STK3: variants seen among roughly 807,000 people sequenced by gnomAD.
STK3 encodes the protein serine/threonine-protein kinase 3.
STK3 carries 41 observed loss-of-function variants against 58.0 expected under a neutral mutation model. That is an observed-to-expected ratio of 0.71 (90% CI 0.55 to 0.92). STK3 has a LOEUF of 0.92. Ranked by LOEUF, STK3 falls within the 40% of genes least tolerant of loss-of-function variation. The pLI, the probability that STK3 is intolerant of heterozygous loss-of-function variation, is 0.00. For missense variants in STK3, 479 were observed against 602.7 expected (o/e 0.79, Z 2.15); for synonymous variants, 170 against 191.0 (o/e 0.89, Z 0.91).
chr8:98,422,257 A>G (rs1189948290), intron 3 of STK3, among the ~76,000 whole-genome samples: 1 of 152,188 alleles, frequency 6.6e-6, no homozygotes, highest in Non-Finnish European at 1.5e-5. Flanking sequence ...TTGCATTTGT[A>G]ACGTGCAGCA....
At chr8:98,656,772 CTG>C (rs1296904630) in intron 6 of STK3, among the ~76,000 whole-genome samples, 6 of 152,002 alleles carry the variant, frequency 3.9e-5, no homozygotes, top group African/African-American at 1.4e-4. Context: ...TTGTTTATAA[CTG>C]TTTCTTCTTC....
intron 1 of STK3, among the ~76,000 whole-genome samples, chr8:98,896,374 A>T (rs765378439): frequency 2.6e-5 from 4 of 152,230 alleles, no homozygotes; most frequent in Admixed American, 6.5e-5. Context: ...GTCACAATGT[A>T]TTAAATAGAC....
intron 1 of STK3, among the ~76,000 whole-genome samples, chr8:98,441,962 A>G (rs576492301): frequency 6.6e-6 from 1 of 152,178 alleles, no homozygotes; most frequent in African/African-American, 2.4e-5. Flanking sequence ...GCTCCTGCAT[A>G]TCCCATAGCC....
chr8:98,650,807 A>G (rs1276933459), intron 6 of STK3, among the ~76,000 whole-genome samples: 2 of 152,222 alleles, frequency 1.3e-5, no homozygotes, highest in African/African-American at 4.8e-5. Flanking sequence ...GCCATTGCCC[A>G]GGCTTGCTTA....
intron 4 of STK3, among the ~76,000 whole-genome samples, chr8:98,713,304 T>C (rs1008955546): frequency 6.6e-6 from 1 of 151,698 alleles, no homozygotes; most frequent in Non-Finnish European, 1.5e-5. Context: ...CTGAAGGAGA[T>C]AGAGACACAA....
intron 4 of STK3, among the ~76,000 whole-genome samples, chr8:98,737,430 T>C (rs1338518902): frequency 6.6e-6 from 1 of 152,042 alleles, no homozygotes; most frequent in Non-Finnish European, 1.5e-5. Context: ...GCAAGAATAA[T>C]ACAAAATGTC....
Position 98,653,724 on chromosome 8 carries a change from A to G in STK3, c.684+52743T>C, listed in dbSNP as rs1265183010. Among the ~76,000 whole-genome samples the G allele has an allele frequency of 4.6e-5, 7 of 152,368 alleles. No individual in the cohort carries two copies. The South Asian group carries it at 8.3e-4, about 18-fold the overall frequency. On this transcript the variant is annotated intron_variant, in intron 6 of 10. Coordinates refer to ENST00000419617, the MANE Select transcript of STK3 (RefSeq NM_006281.4). ...AAACACCTCTGTGCAAATAAACTAGAAAATCTAGAAGAAATGGATAAATTC... is the reference window on the plus strand; with the variant it reads ...AAACACCTCTGTGCAAATAAACTAGGAAATCTAGAAGAAATGGATAAATTC...
At chr8:98,925,281 T>C (rs1839745216) in intron 1 of STK3, among the ~76,000 whole-genome samples, 1 of 152,238 alleles carries the variant, frequency 6.6e-6, no homozygotes, top group African/African-American at 2.4e-5. Context: ...TTATTGATAG[T>C]GATTGCTCAC....
intron 1 of STK3, among the ~76,000 whole-genome samples, chr8:98,894,929 T>A (rs989758869): frequency 3.3e-5 from 5 of 152,152 alleles, no homozygotes; most frequent in African/African-American, 1.2e-4. Flanking sequence ...AATGAACGAA[T>A]GGATAGGAAC....
chr8:98,413,861 G>A (rs1818085392), intron 3 of STK3: 1 of 515,380 alleles, frequency 1.9e-6, no homozygotes, highest in Non-Finnish European at 3.6e-6. Context: ...GTAATGGTGT[G>A]TCAAGAGGGA....
In STK3 at chr8:98,733,497, T is replaced by C. The variant is rs534862892; in HGVS notation, c.351+15779A>G. ...GCACTCCTTATGAGAATCTAATACC[T>C]GATGATCTGAAGTGGAACAGTTTCA... is the stretch of plus-strand genomic sequence containing the variant. On this transcript the variant is annotated intron_variant, in intron 4 of 10. Transcript: ENST00000419617. Among the ~76,000 whole-genome samples, 8 of 152,342 alleles carry C rather than the reference T, an allele frequency of 5.3e-5. No homozygotes were observed. In the East Asian group the frequency reaches 1.5e-3, roughly 29 times the overall value.
At chr8:98,865,949 C>T (rs924087433) in intron 3 of STK3, among the ~76,000 whole-genome samples, 2 of 152,240 alleles carry the variant, frequency 1.3e-5, no homozygotes, top group African/African-American at 4.8e-5. Context: ...CCACACAGTC[C>T]TGCAGTCTGG....
At chr8:98,729,041 T>C (rs934905022) in intron 4 of STK3, among the ~76,000 whole-genome samples, 1 of 152,228 alleles carries the variant, frequency 6.6e-6, no homozygotes, top group Admixed American at 6.5e-5. Context: ...GGCACTTGGA[T>C]AAAATATGCT....
At chr8:98,751,736 T>C (rs897076221) in intron 3 of STK3, among the ~76,000 whole-genome samples, 2 of 152,110 alleles carry the variant, frequency 1.3e-5, no homozygotes, top group Non-Finnish European at 1.5e-5. Context: ...GGTCAGGAGT[T>C]TCAGATCAGC....
intron 10 of STK3, among the ~76,000 whole-genome samples, chr8:98,486,919 T>C (rs1822313801): frequency 6.6e-6 from 1 of 152,188 alleles, no homozygotes; most frequent in Admixed American, 6.5e-5. Flanking sequence ...CTTCAAGCAA[T>C]ACATAGGCTT....
intron 3 of STK3, among the ~76,000 whole-genome samples, chr8:98,840,384 C>T (rs1056088275): frequency 7.1e-5 from 10 of 141,770 alleles, no homozygotes; most frequent in African/African-American, 2.4e-4. Context: ...CCAGCCTCGG[C>T]AACATGGTGA....
chr8:98,442,948 C>T (rs1818752065), intron 1 of STK3, among the ~76,000 whole-genome samples: 1 of 150,142 alleles, frequency 6.7e-6, no homozygotes, highest in Admixed American at 6.6e-5. Context: ...TACCAACGAC[C>T]ACAGAATTAT....
At chr8:98,559,672 A>G (rs1026724930) in intron 8 of STK3, among the ~76,000 whole-genome samples, 2 of 152,126 alleles carry the variant, frequency 1.3e-5, no homozygotes, top group African/African-American at 4.8e-5. Context: ...TAAATGACCT[A>G]TGGACATCGC....
chr8:98,716,922 T>C (rs149389381), intron 4 of STK3, among the ~76,000 whole-genome samples: 8 of 152,044 alleles, frequency 5.3e-5, no homozygotes, highest in Non-Finnish European at 1.2e-4. Flanking sequence ...CAATAGGAAA[T>C]GAACAGTATT....
Sources: gnomAD v4.1 joint callset for allele counts (sites outside exome capture counted in the v4.1 genomes callset) on GRCh38, gnomAD v4.1.1 for gene constraint, MANE v1.5 for transcripts, NCBI Gene and HGNC (gene_info 2026-07-23, HGNC 2026-07-21) for gene names.